Variants in SREBF2 observed in about 807,000 individuals in gnomAD.
SREBF2 encodes the protein sterol regulatory element-binding protein 2.
In SREBF2, 55 loss-of-function variants were observed where a neutral mutation model predicts 113.1. The observed-to-expected ratio is 0.49, with a 90% confidence interval of 0.39 to 0.61. The LOEUF (loss-of-function observed/expected upper bound fraction) is 0.61. SREBF2 is among the 20% of genes least tolerant of loss of function. The pLI is 0.00. For synonymous variants in SREBF2, 593 were observed against 605.7 expected, an observed-to-expected ratio of 0.98 and a Z score of 0.31; for missense variants, 1,349 against 1,487.4, an observed-to-expected ratio of 0.91 and a Z score of 1.53.
chr22:41,896,271 C>T (rs929790138), intron 13 of SREBF2, among the ~76,000 whole-genome samples: 6 of 152,220 alleles, frequency 3.9e-5, no homozygotes, highest in Admixed American at 2.0e-4. Flanking sequence ...CTCTGACATA[C>T]TTACTGAGCA....
At chr22:41,881,377 A>G (rs1391180072) in intron 10 of SREBF2, among the ~76,000 whole-genome samples, 1 of 152,242 alleles carries the variant, frequency 6.6e-6, no homozygotes, top group East Asian at 1.9e-4. Context: ...TATAATAGGC[A>G]GAGAGGTCAA....
chr22:41,842,737 C>T (rs1048413017), intron 1 of SREBF2, among the ~76,000 whole-genome samples: 1 of 152,150 alleles, frequency 6.6e-6, no homozygotes, highest in Admixed American at 6.5e-5. Context: ...TGCCTATAAT[C>T]CCAGCACTTG....
intron 1 of SREBF2, among the ~76,000 whole-genome samples, chr22:41,857,066 CAA>C (rs533566059): frequency 2.1e-4 from 22 of 106,708 alleles, no homozygotes; most frequent in African/African-American, 1.4e-4. Flanking sequence ...GACTCTGTCT[CAA>C]AAAAAAAAAA....
intron 1 of SREBF2, among the ~76,000 whole-genome samples, chr22:41,847,692 C>A (rs1021333032): frequency 6.6e-6 from 1 of 152,192 alleles, no homozygotes; most frequent in African/African-American, 2.4e-5. Flanking sequence ...CTCTGAGTGC[C>A]TCATTTTCCT....
At chr22:41,895,960 G>A (rs896150315) in intron 13 of SREBF2, among the ~76,000 whole-genome samples, 5 of 151,902 alleles carry the variant, frequency 3.3e-5, no homozygotes, top group African/African-American at 1.2e-4. Context: ...TGGCTAACAC[G>A]GTGAAACCCC....
In SREBF2 at chr22:41,874,002, A is replaced by T. The variant is rs1223498887; in HGVS notation, c.1072A>T (p.Met358Leu). The T allele has an allele frequency of 2.5e-6, 4 of 1,614,070 alleles. No individual in the cohort carries two copies. Among genetic ancestry groups the T allele is most frequent in the African/African-American group, 1.3e-5 (1 of 74,942 alleles). ...DKIIELKDLVMGTDAKMHKSG... is the reference protein window; with the variant it reads ...DKIIELKDLVLGTDAKMHKSG... ...AATCATCGAATTGAAAGACCTGGTC[A>T]TGGGGACAGACGCCAAGGTGGGTGC... The change falls in exon 5 of 19, where the codon ATG becomes TTG. Residue 358 changes from methionine to leucine, a missense_variant. Met to Leu is a conservative substitution (Grantham distance 15). Around this residue, in one of 2 missense-constraint regions of SREBF2, gnomAD observed 699 missense variants for 843.3 expected, o/e 0.83. Coordinates refer to ENST00000361204, the MANE Select transcript of SREBF2 (RefSeq NM_004599.4).
chr22:41,896,896 G>A (rs1416910423), intron 13 of SREBF2, among the ~76,000 whole-genome samples, 156 bp from the exon 14 acceptor site: 1 of 152,160 alleles, frequency 6.6e-6, no homozygotes, highest in Non-Finnish European at 1.5e-5. Flanking sequence ...GGAATACAAA[G>A]GGTACACATA....
chr22:41,901,170 C>T (rs2077462956), intron 16 of SREBF2, among the ~76,000 whole-genome samples: 1 of 152,288 alleles, frequency 6.6e-6, no homozygotes, highest in Non-Finnish European at 1.5e-5. Flanking sequence ...ATCACCTGGT[C>T]TACGGGGAAC....
intron 1 of SREBF2, among the ~76,000 whole-genome samples, chr22:41,837,221 CTG>C (rs1390553241): frequency 6.6e-6 from 1 of 152,144 alleles, no homozygotes; most frequent in East Asian, 1.9e-4. Context: ...GTATCAGTGT[CTG>C]TTTTTCAAGA....
chr22:41,853,412 A>G (rs992727500), intron 1 of SREBF2, among the ~76,000 whole-genome samples: 4 of 152,158 alleles, frequency 2.6e-5, no homozygotes, highest in Non-Finnish European at 4.4e-5. Context: ...TCAGGGAACT[A>G]TTGACTTGCT....
chr22:41,875,904 G>T (rs2077193655), intron 7 of SREBF2, among the ~76,000 whole-genome samples, 180 bp downstream of exon 7: 1 of 152,300 alleles, frequency 6.6e-6, no homozygotes, highest in East Asian at 1.9e-4. Context: ...ACTGACTCCG[G>T]GGGGAAACAG....
intron 10 of SREBF2, among the ~76,000 whole-genome samples, chr22:41,881,211 A>C (rs949970262): frequency 6.6e-6 from 1 of 152,262 alleles, no homozygotes; most frequent in Non-Finnish European, 1.5e-5. Flanking sequence ...CAATAACATC[A>C]CTATACTCAG....
At chr22:41,845,606 G>A (rs886102450) in intron 1 of SREBF2, among the ~76,000 whole-genome samples, 125 of 152,156 alleles carry the variant, frequency 8.2e-4, no homozygotes, top group African/African-American at 2.8e-3. Context: ...TACAACAGAG[G>A]CTATAACAGA....
At chr22:41,905,379 C>G in intron 18 of SREBF2, 61 bp from the exon 19 acceptor site, 1 of 1,489,816 alleles carries the variant, frequency 6.7e-7, no homozygotes. Flanking sequence ...CAGGTAACGC[C>G]AAGGAACTGC....
chr22:41,874,870 G>C (rs142436111), intron 5 of SREBF2, among the ~76,000 whole-genome samples: 1,570 of 152,056 alleles, frequency 0.01, 23 homozygotes, highest in Middle Eastern at 0.014. Context: ...TCGCGCCATT[G>C]CACTCCATCC....
At chr22:41,839,956 C>CTTTTTTTTT (rs10588397) in intron 1 of SREBF2, among the ~76,000 whole-genome samples, 19 of 117,570 alleles carry the variant, frequency 1.6e-4, no homozygotes, top group Admixed American at 2.6e-4. Context: ...TGCTTAGTTT[C>CTTTTTTTTT]TTTTTTTTTT....
In SREBF2 at chr22:41,885,128, G is replaced by A. The variant is rs1361301991; in HGVS notation, c.2208+117G>A. The A allele has an allele frequency of 1.0e-5, 13 of 1,251,374 alleles. 1 individual carries two copies. 77.5% of individuals were successfully genotyped at this position (1,251,374 alleles called of 1,614,324 possible). ...CCATCAGGTGCTGCCCACCTGGAGG[G>A]GTAGGCAGGCATTCATTCAGTCGCT... On this transcript the variant is annotated intron_variant, in intron 11 of 18. Transcript: ENST00000361204.
intron 10 of SREBF2, 22 bp from the exon 11 acceptor site, chr22:41,884,820 T>C (rs747885439): frequency 3.2e-5 from 51 of 1,613,900 alleles, no homozygotes; most frequent in African/African-American, 2.1e-4. Context: ...TCAACAATAG[T>C]GTCTGTTTCT....
intron 14 of SREBF2, 38 bp from the exon 15 acceptor site, chr22:41,898,611 G>T: frequency 6.2e-7 from 1 of 1,613,620 alleles, no homozygotes; most frequent in Non-Finnish European, 8.5e-7. Context: ...TCTCGTTTCT[G>T]TGGGTGCTGG....
Sources: allele counts gnomAD v4.1 joint callset (sites outside exome capture counted in the v4.1 genomes callset), GRCh38; gene constraint gnomAD v4.1.1; regional missense constraint gnomAD v4.1.1; transcripts MANE v1.5; gene names NCBI Gene and HGNC (gene_info 2026-07-23, HGNC 2026-07-21).